Variants in PERP observed in about 807,000 individuals in gnomAD.
The protein encoded by PERP is p53 apoptosis effector related to PMP22, also known as p53 apoptosis effector related to PMP-22.
PERP carries 11 observed loss-of-function variants against 20.3 expected under a neutral mutation model. That is an observed-to-expected ratio of 0.54 (90% CI 0.34 to 0.90). The LOEUF is 0.90. Among genes scored for constraint, PERP ranks in the 40% least tolerant of loss-of-function variants. The pLI is 0.02. For synonymous variants in PERP, 101 were observed against 102.0 expected (o/e 0.99, Z 0.06); for missense variants, 224 against 249.4 (o/e 0.90, Z 0.69).
Position 138,107,201 on chromosome 6 carries a change from A to T in PERP, c.140T>A (p.Leu47Gln). The T allele has an allele frequency of 6.2e-7, 1 of 1,612,388 alleles. No individual in the cohort carries two copies. The highest frequency in any genetic ancestry group is 8.5e-7 in the Non-Finnish European group (1 of 1,179,638). ...GCCCTCTTGGGAGCATTTCCACCACAGCGAGGACGTCTGGCCGTGGTCGCT... is the reference window on the plus strand; with the variant it reads ...GCCCTCTTGGGAGCATTTCCACCACTGCGAGGACGTCTGGCCGTGGTCGCT... ...QSSDHGQTSS[L>Q]WWKCSQEGGG... The change falls in exon 1 of 3, where the codon CTG becomes CAG. Residue 47 changes from leucine (L) to glutamine (Q), a missense_variant. Coordinates refer to ENST00000421351, the MANE Select transcript of PERP (RefSeq NM_022121.5). The surrounding 1 kb of genome is among the most constrained non-coding windows in gnomAD (Gnocchi z 4.8).
chr6:138,095,201 A>G (rs181103886), intron 2 of PERP, among the ~76,000 whole-genome samples: 1 of 152,362 alleles, frequency 6.6e-6, no homozygotes, highest in East Asian at 1.9e-4. Flanking sequence ...TGTGATTCCA[A>G]GTCACTTCTG....
At chr6:138,095,667 AGGGTCCT>A (rs1775675668) in intron 2 of PERP, among the ~76,000 whole-genome samples, 1 of 152,192 alleles carries the variant, frequency 6.6e-6, no homozygotes, top group Non-Finnish European at 1.5e-5. Flanking sequence ...CTCCGTGGCT[AGGGTCCT>A]GCCCCTTTGA....
chr6:138,099,307 G>A (rs1452083017), intron 1 of PERP, among the ~76,000 whole-genome samples: 1 of 152,240 alleles, frequency 6.6e-6, no homozygotes, highest in African/African-American at 2.4e-5. Flanking sequence ...CTTTAAGTAT[G>A]TGACCCATTG....
At chr6:138,096,957 T>C (rs1775703197) in intron 1 of PERP, among the ~76,000 whole-genome samples, 1 of 152,232 alleles carries the variant, frequency 6.6e-6, no homozygotes, top group Admixed American at 6.5e-5. Context: ...TTTGGTTCTA[T>C]GCAAAAATAA....
In PERP at chr6:138,090,306, A is replaced by G. The variant is rs619881; in HGVS notation, c.*1736T>C. The G allele has an allele frequency of 0.12, 18,943 of 152,124 alleles. 1,613 individuals are homozygous for G. The highest frequency in any genetic ancestry group is 0.47 in the East Asian group (2,436 of 5,174). 9.4% of individuals were successfully genotyped at this position (152,124 alleles called of 1,614,324 possible). On this transcript the variant is annotated 3_prime_UTR_variant, in exon 3 of 3. Transcript: ENST00000421351. The stretch of plus-strand genomic sequence containing the variant: ...CCTCTCTGCACCCATCCTCACAATG[A>G]CATACACCATAGTGGAAGTAACATA...
Position 138,096,629 on chromosome 6 carries a change from G to A in PERP, c.215-135C>T, listed in dbSNP as rs1448924029. ...TGGATGGAGGGACAGTTTTTCTTTT[G>A]ACAATACTTGAGCATCTCCATATTT... On this transcript the variant is annotated intron_variant, in intron 1 of 2. Coordinates refer to ENST00000421351, the MANE Select transcript of PERP (RefSeq NM_022121.5). 1.1e-5 allele frequency: 10 copies of A among 946,028 alleles called. No homozygotes were observed. In the African/African-American group the frequency reaches 1.7e-4, roughly 16 times the overall value. 58.6% of individuals were successfully genotyped at this position (946,028 alleles called of 1,614,324 possible).
Position 138,107,076 on chromosome 6 carries a change from G to GCAAAA in PERP, c.214+50_214+51insTTTTG. ...ACGCGCGGCGGCTTTTGCAGGCCGC[G>GCAAAA]GCCCCGAGGGCTTCCTGGAGGCGGC... On this transcript the variant is annotated intron_variant, in intron 1 of 2. Coordinates refer to ENST00000421351, the MANE Select transcript of PERP (RefSeq NM_022121.5). The surrounding 1 kb of genome is among the most constrained non-coding windows in gnomAD (Gnocchi z 4.8). 6.5e-7 allele frequency: 1 copy of GCAAAA among 1,540,270 alleles called. No homozygotes were observed. Among genetic ancestry groups the GCAAAA allele is most frequent in the Non-Finnish European group, 8.7e-7 (1 of 1,145,062 alleles).
At chr6:138,106,623 T>C (rs769854852) in intron 1 of PERP, among the ~76,000 whole-genome samples, 118 of 152,338 alleles carry the variant, frequency 7.7e-4, no homozygotes, top group Middle Eastern at 6.8e-3. Context: ...ATTGAAAACG[T>C]TAACTGCTAA....
In PERP at chr6:138,100,542, T is replaced by TTGTGTGTG. The variant is rs58385691; in HGVS notation, c.215-4056_215-4049dup. Among the ~76,000 whole-genome samples, 360 of 146,276 alleles carry TTGTGTGTG rather than the reference T, an allele frequency of 2.5e-3. 1 individual carries two copies. Among genetic ancestry groups the TTGTGTGTG allele is most frequent in the African/African-American group, 7.0e-3 (277 of 39,852 alleles). ...TTCATTACTATTTTATATACCAGAT[T>TTGTGTGTG]TGTGTGTGTGTGTGTGTGTGTGTGT... On this transcript the variant is annotated intron_variant, in intron 1 of 2. Coordinates refer to ENST00000421351, the MANE Select transcript of PERP (RefSeq NM_022121.5).
At chr6:138,104,683 G>C (rs1486006661) in intron 1 of PERP, among the ~76,000 whole-genome samples, 3 of 152,172 alleles carry the variant, frequency 2.0e-5, no homozygotes, top group Non-Finnish European at 2.9e-5. Context: ...TACATATCAA[G>C]AAGTTTTTCA....
chr6:138,103,817 A>C (rs1398315119), intron 1 of PERP, among the ~76,000 whole-genome samples: 2 of 152,184 alleles, frequency 1.3e-5, no homozygotes, highest in Admixed American at 6.5e-5. Flanking sequence ...TACATTGGAG[A>C]GCCACAGGGC....
chr6:138,093,542 C>A (rs1216844246), intron 2 of PERP, among the ~76,000 whole-genome samples: 1 of 152,138 alleles, frequency 6.6e-6, no homozygotes. Context: ...CTTTAAATAG[C>A]AATCTCTTAC....
intron 2 of PERP, 125 bp downstream of exon 2, chr6:138,096,229 G>C (rs1195329680): frequency 8.1e-7 from 1 of 1,229,282 alleles, no homozygotes; most frequent in African/African-American, 1.5e-5. Flanking sequence ...TTCTGCCCTG[G>C]TGATACATTT....
intron 1 of PERP, among the ~76,000 whole-genome samples, chr6:138,103,085 C>T (rs1775797919): frequency 7.2e-6 from 1 of 138,034 alleles, no homozygotes; most frequent in South Asian, 2.6e-4. Context: ...CGCGACAGAC[C>T]GAGACTCCGT....
intron 2 of PERP, 79 bp downstream of exon 2, chr6:138,096,275 T>A: frequency 6.6e-7 from 1 of 1,514,928 alleles, no homozygotes; most frequent in Non-Finnish European, 9.0e-7. Context: ...CAGTCACGGG[T>A]CTTCTTTGTG....
At chr6:138,105,131 A>T (rs1775824000) in intron 1 of PERP, among the ~76,000 whole-genome samples, 1 of 152,264 alleles carries the variant, frequency 6.6e-6, no homozygotes, top group Non-Finnish European at 1.5e-5. Flanking sequence ...CTTGAGCAAG[A>T]GCCGTGTGTA....
Position 138,107,077 on chromosome 6 carries a change from G to A in PERP, c.214+50C>T. The A allele has an allele frequency of 6.4e-7, 1 of 1,552,156 alleles. No homozygotes were observed. Among genetic ancestry groups the A allele is most frequent in the Non-Finnish European group, 8.7e-7 (1 of 1,150,398 alleles). On this transcript the variant is annotated intron_variant, in intron 1 of 2. Transcript: ENST00000421351. The surrounding 1 kb of genome is among the most constrained non-coding windows in gnomAD (Gnocchi z 4.8). ...CGCGCGGCGGCTTTTGCAGGCCGCG[G>A]CCCCGAGGGCTTCCTGGAGGCGGCG...
chr6:138,102,627 G>T (rs561077984), intron 1 of PERP, among the ~76,000 whole-genome samples: 1 of 152,184 alleles, frequency 6.6e-6, no homozygotes. Flanking sequence ...GCTCTCTGGG[G>T]TGGCTACTGC....
intron 1 of PERP, among the ~76,000 whole-genome samples, chr6:138,105,355 A>G (rs1775826760): frequency 6.6e-6 from 1 of 152,244 alleles, no homozygotes; most frequent in Non-Finnish European, 1.5e-5. Flanking sequence ...ACAATGAAAA[A>G]AATTAACATT....
Sources: allele counts gnomAD v4.1 joint callset (sites outside exome capture counted in the v4.1 genomes callset), GRCh38; gene constraint gnomAD v4.1.1; non-coding constraint Gnocchi (gnomAD v3.1); transcripts MANE v1.5; gene names NCBI Gene and HGNC (gene_info 2026-07-23, HGNC 2026-07-21).